SGCZ: variants seen among roughly 807,000 people sequenced by gnomAD.
SGCZ encodes the protein zeta-sarcoglycan.
A neutral mutation model predicts 41.3 loss-of-function variants in SGCZ; 40 were observed. The observed-to-expected ratio is 0.97, with a 90% CI of 0.75 to 1.26. The LOEUF (loss-of-function observed/expected upper bound fraction) is 1.26. SGCZ is among the 50% of genes most tolerant of loss of function. The probability of loss-of-function intolerance (pLI) is 0.00; values close to 1 mark genes in which losing one functional copy is unlikely to be tolerated. For synonymous variants in SGCZ, 206 were observed against 137.5 expected (o/e 1.50, Z -3.49); for missense variants, 552 against 369.8 (o/e 1.49, Z -4.04).
At position 14,716,321 on chromosome 8, in the gene SGCZ, C is replaced by A. The variant is rs1446019586; in HGVS notation, c.40-161395G>T. The stretch of plus-strand genomic sequence containing the variant: ...TGATTTATTTCTTGAACAATGAGAG[C>A]AAAATCATAAACTTCAAAATTTTTC... On this transcript the variant is annotated intron_variant, in intron 1 of 7. Transcript: ENST00000382080. 2.0e-5 allele frequency among the ~76,000 whole-genome samples: 3 copies of A among 151,810 alleles called. No individual in the cohort carries two copies. In the East Asian group the frequency reaches 5.8e-4, roughly 29 times the overall value.
At chr8:14,097,234 T>C (rs1801873788) in intron 7 of SGCZ, among the ~76,000 whole-genome samples, 1 of 152,214 alleles carries the variant, frequency 6.6e-6, no homozygotes, top group South Asian at 2.1e-4. Flanking sequence ...GGGCATTTAG[T>C]GCTATAAATT....
intron 1 of SGCZ, among the ~76,000 whole-genome samples, chr8:15,082,379 GATAC>G (rs1805785997): frequency 6.6e-6 from 1 of 151,558 alleles, no homozygotes; most frequent in African/African-American, 2.4e-5. Context: ...TTAATTAACA[GATAC>G]ATATATATAT....
chr8:14,606,960 T>C (rs887440453), intron 1 of SGCZ, among the ~76,000 whole-genome samples: 2 of 152,198 alleles, frequency 1.3e-5, no homozygotes, highest in Non-Finnish European at 1.5e-5. Flanking sequence ...GTGAGGCTAA[T>C]GTTACTGCTT....
At chr8:14,282,885 T>A (rs1162735700) in intron 3 of SGCZ, among the ~76,000 whole-genome samples, 1 of 134,120 alleles carries the variant, frequency 7.5e-6, no homozygotes, top group Admixed American at 8.3e-5. Flanking sequence ...AGTCTCACTC[T>A]GTCACCCAGG....
chr8:14,435,148 A>G (rs1329028066), intron 2 of SGCZ, among the ~76,000 whole-genome samples: 2 of 152,210 alleles, frequency 1.3e-5, no homozygotes, highest in Non-Finnish European at 2.9e-5. Flanking sequence ...ATCTCAGGGC[A>G]AACGCTGCAG....
At chr8:14,349,485 A>G (rs1803010514) in intron 2 of SGCZ, among the ~76,000 whole-genome samples, 1 of 129,266 alleles carries the variant, frequency 7.7e-6, no homozygotes, top group Non-Finnish European at 1.6e-5. Context: ...TTGCCATGGA[A>G]TTTTCGTAAG....
At chr8:14,188,791 TTTC>T (rs1804989387) in intron 4 of SGCZ, among the ~76,000 whole-genome samples, 1 of 149,838 alleles carries the variant, frequency 6.7e-6, no homozygotes, top group Non-Finnish European at 1.5e-5. Context: ...TTTTTCCAGA[TTTC>T]TTGTTTTTTT....
chr8:14,481,378 T>C (rs1056186672), intron 2 of SGCZ, among the ~76,000 whole-genome samples: 2 of 152,154 alleles, frequency 1.3e-5, no homozygotes, highest in Non-Finnish European at 2.9e-5. Context: ...AATCACTGCC[T>C]CACAATCAAT....
intron 1 of SGCZ, among the ~76,000 whole-genome samples, chr8:15,231,091 A>G (rs529007088): frequency 6.6e-6 from 1 of 152,156 alleles, no homozygotes. Flanking sequence ...AGTACTTTGC[A>G]TGCTTCTGAA....
chr8:14,741,504 G>C (rs552465572), intron 1 of SGCZ, among the ~76,000 whole-genome samples: 1 of 151,836 alleles, frequency 6.6e-6, no homozygotes. Flanking sequence ...AAGCATTTTA[G>C]CTTCTCCATA....
chr8:14,503,500 T>C (rs1195257199), intron 2 of SGCZ, among the ~76,000 whole-genome samples: 2 of 152,184 alleles, frequency 1.3e-5, no homozygotes, highest in Non-Finnish European at 2.9e-5. Flanking sequence ...CCAGTCTCAG[T>C]GGCTCATGCC....
intron 1 of SGCZ, among the ~76,000 whole-genome samples, chr8:14,831,187 T>C (rs879305053): frequency 2.6e-5 from 4 of 152,176 alleles, no homozygotes; most frequent in Admixed American, 6.5e-5. Flanking sequence ...AAAAATGTTA[T>C]AGAGTACACA....
At chr8:14,405,729 T>C (rs1318448212) in intron 2 of SGCZ, among the ~76,000 whole-genome samples, 1 of 152,188 alleles carries the variant, frequency 6.6e-6, no homozygotes, top group African/African-American at 2.4e-5. Flanking sequence ...CAAATTATAT[T>C]GTACTACACA....
rs774058771 is a variant in SGCZ at position 14,426,459 on chromosome 8, C to T, written c.235-102255G>A. Among the ~76,000 whole-genome samples, 80 of 151,936 alleles carry T rather than the reference C, an allele frequency of 5.3e-4. No homozygotes were observed. The Middle Eastern group carries it at 0.01, about 19-fold the overall frequency. On this transcript the variant is annotated intron_variant, in intron 2 of 7. Coordinates refer to ENST00000382080, the MANE Select transcript of SGCZ (RefSeq NM_139167.4). ...GCAAGTCAATGCAAATATGTGTATG[C>T]CACTAGAGAAGAAGCAGAGAGGCAG...
chr8:14,610,923 T>C (rs530863232), intron 1 of SGCZ, among the ~76,000 whole-genome samples: 1 of 152,200 alleles, frequency 6.6e-6, no homozygotes, highest in Non-Finnish European at 1.5e-5. Flanking sequence ...TTTTACCACA[T>C]GCTTCCAAAC....
At chr8:15,094,942 A>C (rs1375607100) in intron 1 of SGCZ, among the ~76,000 whole-genome samples, 1 of 152,114 alleles carries the variant, frequency 6.6e-6, no homozygotes, top group Non-Finnish European at 1.5e-5. Context: ...TAAATTACCC[A>C]GTCTCGGGTA....
intron 1 of SGCZ, among the ~76,000 whole-genome samples, chr8:14,567,582 G>C (rs936579387): frequency 6.6e-6 from 1 of 152,188 alleles, no homozygotes; most frequent in Non-Finnish European, 1.5e-5. Flanking sequence ...GGCTAGATAA[G>C]AGAATAAAAG....
At chr8:15,148,050 G>A (rs1416235490) in intron 1 of SGCZ, among the ~76,000 whole-genome samples, 1 of 139,912 alleles carries the variant, frequency 7.1e-6, no homozygotes, top group Non-Finnish European at 1.5e-5. Context: ...TTCTCAGAAG[G>A]GCTCTCAAGG....
At chr8:14,098,603 C>T (rs1801916249) in intron 7 of SGCZ, among the ~76,000 whole-genome samples, 2 of 152,244 alleles carry the variant, frequency 1.3e-5, no homozygotes, top group South Asian at 4.1e-4. Flanking sequence ...ATTCTAGGGG[C>T]AAACTCTGAG....
Sources: gnomAD v4.1 joint callset for allele counts (sites outside exome capture counted in the v4.1 genomes callset) on GRCh38, gnomAD v4.1.1 for gene constraint, MANE v1.5 for transcripts, NCBI Gene and HGNC (gene_info 2026-07-23, HGNC 2026-07-21) for gene names.